The following CDH2 variants were observed in gnomAD, a reference collection of about 807,000 sequenced individuals.
The protein encoded by CDH2 is cadherin 2, also known as cadherin-2.
A neutral mutation model predicts 92.0 loss-of-function variants in CDH2; 17 were observed. The observed-to-expected ratio is 0.18, with a 90% CI of 0.13 to 0.28. CDH2 has a LOEUF of 0.28. CDH2 is among the 10% of genes least tolerant of loss of function. The pLI is 1.00. For missense variants in CDH2, 862 were observed against 1,133.1 expected, an observed-to-expected ratio of 0.76 and a Z score of 3.44; for synonymous variants, 419 against 415.9, an observed-to-expected ratio of 1.01 and a Z score of -0.09.
At chr18:27,952,488 A>G (rs1909510466) in intron 15 of CDH2, 129 bp from the exon 16 acceptor site, 2 of 694,368 alleles carry the variant, frequency 2.9e-6, no homozygotes, top group Non-Finnish European at 4.9e-6. Context: ...TACATACCAT[A>G]TTTTCAACAC....
rs148940666 is a variant in CDH2 at position 28,056,643 on chromosome 18, G to A, written c.173-42734C>T. 2.6e-5 allele frequency among the ~76,000 whole-genome samples: 4 copies of A among 152,226 alleles called. No individual in the cohort carries two copies. In the East Asian group the frequency reaches 7.7e-4, roughly 29 times the overall value. Reference sequence around the variant, plus strand: ...ACCTGTGATCCCATTTTGATCAAGTGTTTTAAACCTTTGATCAAACTTCCC... The same window carrying A: ...ACCTGTGATCCCATTTTGATCAAGTATTTTAAACCTTTGATCAAACTTCCC... On this transcript the variant is annotated intron_variant, in intron 2 of 15. Coordinates refer to ENST00000269141, the MANE Select transcript of CDH2 (RefSeq NM_001792.5).
chr18:28,039,755 T>C (rs925000715), intron 2 of CDH2, among the ~76,000 whole-genome samples: 1 of 152,146 alleles, frequency 6.6e-6, no homozygotes, highest in Admixed American at 6.6e-5. Flanking sequence ...ATTTTAAAAG[T>C]TGTAGGGTTA....
At chr18:28,166,149 C>CATAATATATATAT (rs1555648244) in intron 1 of CDH2, among the ~76,000 whole-genome samples, 1 of 59,292 alleles carries the variant, frequency 1.7e-5, no homozygotes, top group Non-Finnish European at 3.0e-5. Flanking sequence ...CAGACACACT[C>CATAATATATATAT]ATATATATAT....
chr18:28,065,628 C>G (rs558288888), intron 2 of CDH2, among the ~76,000 whole-genome samples: 13 of 152,054 alleles, frequency 8.5e-5, no homozygotes, highest in Admixed American at 6.6e-5. Flanking sequence ...GGTAACTAGC[C>G]GTAGAATTGG....
intron 6 of CDH2, among the ~76,000 whole-genome samples, chr18:27,938,814 C>T (rs1044403219): frequency 1.6e-4 from 24 of 152,196 alleles, no homozygotes; most frequent in East Asian, 9.7e-4. Flanking sequence ...AGACAATACA[C>T]GCCAATTAAC....
intron 6 of CDH2, among the ~76,000 whole-genome samples, chr18:28,005,485 TC>T (rs1248486073): frequency 6.6e-5 from 10 of 152,214 alleles, no homozygotes; most frequent in Non-Finnish European, 1.2e-4. Context: ...TACAGTCACA[TC>T]TGTACTTGAT....
At chr18:28,175,188 G>C (rs1400399439) in intron 1 of CDH2, among the ~76,000 whole-genome samples, 2 of 152,192 alleles carry the variant, frequency 1.3e-5, no homozygotes, top group Admixed American at 1.3e-4. Context: ...AGGTACTTTT[G>C]TTAGCAAGTG....
intron 2 of CDH2, among the ~76,000 whole-genome samples, chr18:28,108,407 T>C (rs1555642720): frequency 6.6e-6 from 1 of 152,146 alleles, no homozygotes; most frequent in Non-Finnish European, 1.5e-5. Context: ...AAACTACAAA[T>C]ACTCAAGGAA....
chr18:28,019,967 T>C lies in CDH2; in HGVS notation c.173-6058A>G, dbSNP rs181528370. Among the ~76,000 whole-genome samples, 9 of 152,276 alleles carry C rather than the reference T, an allele frequency of 5.9e-5. No homozygotes were observed. The East Asian group carries it at 1.7e-3, about 29-fold the overall frequency. Reference sequence around the variant, plus strand: ...TCCTGTGGTTTTGGAGCAATCCATGTATGGTACCTGGCTCATGATTATATG... The same window carrying C: ...TCCTGTGGTTTTGGAGCAATCCATGCATGGTACCTGGCTCATGATTATATG... On this transcript the variant is annotated intron_variant, in intron 2 of 15. Transcript: ENST00000269141.
At chr18:28,014,092 G>C (rs1403486700) in intron 2 of CDH2, among the ~76,000 whole-genome samples, 183 bp from the exon 3 acceptor site, 1 of 152,032 alleles carries the variant, frequency 6.6e-6, no homozygotes, top group Non-Finnish European at 1.5e-5. Flanking sequence ...ATGCCAGATG[G>C]TAGTTCTGAG....
chr18:28,026,877 A>G (rs1167747794), intron 2 of CDH2, among the ~76,000 whole-genome samples: 1 of 152,156 alleles, frequency 6.6e-6, no homozygotes, highest in Non-Finnish European at 1.5e-5. Flanking sequence ...ATATTCAGAA[A>G]GATTACACTT....
rs202038751 is a variant in CDH2 at position 28,147,758 on chromosome 18, G to A, written c.87C>T (p.Ile29=). Residue 29 remains isoleucine, a synonymous_variant, in exon 2 of 16, where the codon ATC becomes ATT. Transcript: ENST00000269141. The part of the protein sequence containing the change: ...LQASVEASGE[I]ALCKTGFPED... ...CAGGAAATCCAGTCTTGCATAATGC[G>A]ATTTCACCAGAAGCCTCTACAGACG... The A allele has an allele frequency of 8.7e-6, 14 of 1,607,984 alleles. No homozygotes were observed. The highest frequency in any genetic ancestry group is 1.1e-5 in the South Asian group (1 of 90,690).
At chr18:27,944,754 T>TG (rs1397346197) in intron 6 of CDH2, among the ~76,000 whole-genome samples, 2 of 83,570 alleles carry the variant, frequency 2.4e-5, no homozygotes, top group East Asian at 4.9e-4. Context: ...ACTTCCTTTC[T>TG]AAAAAAAAAA....
chr18:28,118,169 T>C (rs1191496208), intron 2 of CDH2, among the ~76,000 whole-genome samples: 1 of 152,010 alleles, frequency 6.6e-6, no homozygotes, highest in Non-Finnish European at 1.5e-5. Context: ...CTTCAAAAGT[T>C]ATCTCTATGA....
At chr18:28,090,734 G>T (rs1711671669) in intron 2 of CDH2, among the ~76,000 whole-genome samples, 2 of 152,136 alleles carry the variant, frequency 1.3e-5, no homozygotes, top group African/African-American at 2.4e-5. Flanking sequence ...TAACTTCAGG[G>T]CAAAAGACAA....
chr18:28,148,368 A>G (rs1048110908), intron 1 of CDH2, among the ~76,000 whole-genome samples: 2 of 152,220 alleles, frequency 1.3e-5, no homozygotes, highest in Non-Finnish European at 2.9e-5. Flanking sequence ...AATTTAAGTA[A>G]AGATTAATAC....
chr18:28,030,898 G>T (rs2013677943), intron 2 of CDH2, among the ~76,000 whole-genome samples: 1 of 151,904 alleles, frequency 6.6e-6, no homozygotes, highest in South Asian at 2.1e-4. Context: ...TACTCTTCTG[G>T]TTTCCCCCAT....
chr18:28,040,570 C>T (rs1216276773), intron 2 of CDH2, among the ~76,000 whole-genome samples: 1 of 152,080 alleles, frequency 6.6e-6, no homozygotes, highest in Non-Finnish European at 1.5e-5. Flanking sequence ...CAAAATTAAC[C>T]ACAGGCAGCA....
At chr18:28,058,631 C>T (rs1484662932) in intron 2 of CDH2, among the ~76,000 whole-genome samples, 1 of 152,234 alleles carries the variant, frequency 6.6e-6, no homozygotes, top group East Asian at 1.9e-4. Flanking sequence ...ACTTTTTTCA[C>T]TTGGAACTTA....
Sources: allele counts gnomAD v4.1 joint callset (sites outside exome capture counted in the v4.1 genomes callset), GRCh38; gene constraint gnomAD v4.1.1; transcripts MANE v1.5; gene names NCBI Gene and HGNC (gene_info 2026-07-23, HGNC 2026-07-21).